Variants in SPATA17 observed in about 807,000 individuals in gnomAD.
The protein encoded by SPATA17 is spermatogenesis associated 17.
In SPATA17, 53 loss-of-function variants were observed where a neutral mutation model predicts 62.2. The observed-to-expected ratio is 0.85, with a 90% CI of 0.68 to 1.07. SPATA17 has a LOEUF of 1.07. SPATA17 is among the 50% of genes least tolerant of loss of function. The pLI is 0.00. For missense variants in SPATA17, 466 were observed against 425.5 expected (o/e 1.10, Z -0.84); for synonymous variants, 146 against 146.8 (o/e 0.99, Z 0.04).
chr1:217,774,513 A>T lies in SPATA17; in HGVS notation c.699A>T (p.Pro233=), dbSNP rs1318255019. Residue 233 remains proline, a synonymous_variant, in exon 7 of 11, where the codon CCA becomes CCT. Transcript: ENST00000366933. ...ARSFPRSEIL[P]PINRKQCQGP... ...CTTTTCCTCGGTCTGAAATTCTACC[A>T]CCTATTAATAGAAAGCAATGTCAGG... 6.2e-7 allele frequency: 1 copy of T among 1,613,792 alleles called. No individual in the cohort carries two copies. The highest frequency in any genetic ancestry group is 8.5e-7 in the Non-Finnish European group (1 of 1,179,842).
intron 9 of SPATA17, among the ~76,000 whole-genome samples, chr1:217,830,240 TG>T (rs1182175550): frequency 2.6e-5 from 4 of 152,142 alleles, no homozygotes; most frequent in African/African-American, 9.7e-5. Flanking sequence ...AAATTATTTT[TG>T]GTAAATCCCC....
At chr1:217,648,452 G>C (rs1270856617) in intron 1 of SPATA17, among the ~76,000 whole-genome samples, 2 of 152,176 alleles carry the variant, frequency 1.3e-5, no homozygotes, top group African/African-American at 2.4e-5. Context: ...ATTTAACTTA[G>C]AGACAACTCA....
intron 9 of SPATA17, among the ~76,000 whole-genome samples, chr1:217,855,593 T>G (rs78205854): frequency 3.3e-5 from 5 of 152,232 alleles, no homozygotes; most frequent in Non-Finnish European, 5.9e-5. Context: ...TGCCACTGAA[T>G]ACAATGAACT....
chr1:217,786,750 T>TTCTTCTTCTTCTTCTTCTTC lies in SPATA17; in HGVS notation c.872+4429_872+4430insCTTCTTCTTCTTCTTCTTCT, dbSNP rs1553252152. On this transcript the variant is annotated intron_variant, in intron 8 of 10. Coordinates refer to ENST00000366933, the MANE Select transcript of SPATA17 (RefSeq NM_138796.4). ...AATGATAGAAGGATTTGATATTCTC[T>TTCTTCTTCTTCTTCTTCTTC]TTCTTCTTCTTCTTCTTCTTCTTCT... Among the ~76,000 whole-genome samples, 104 of 107,550 alleles carry TTCTTCTTCTTCTTCTTCTTC rather than the reference T, an allele frequency of 9.7e-4. 1 individual carries two copies. The highest frequency in any genetic ancestry group is 8.5e-4 in the Non-Finnish European group (45 of 52,686). The allele number at this position is 107,550 out of a possible 152,430, so 70.6% of individuals were successfully genotyped here. A position where few individuals can be genotyped will look rare whatever the true frequency, so the allele number is the denominator to read the frequency against.
intron 5 of SPATA17, among the ~76,000 whole-genome samples, chr1:217,723,072 C>T (rs558406787): frequency 6.6e-6 from 1 of 152,328 alleles, no homozygotes; most frequent in South Asian, 2.1e-4. Context: ...GTATTAGCAT[C>T]AGCCCTCTCC....
chr1:217,635,539 A>G (rs1281257950), intron 1 of SPATA17, among the ~76,000 whole-genome samples: 1 of 152,044 alleles, frequency 6.6e-6, no homozygotes, highest in African/African-American at 2.4e-5. Flanking sequence ...CCCTGTCGCT[A>G]CTAAAAATAC....
At chr1:217,847,936 G>A (rs1675565049) in intron 9 of SPATA17, among the ~76,000 whole-genome samples, 2 of 152,178 alleles carry the variant, frequency 1.3e-5, no homozygotes, top group South Asian at 2.1e-4. Flanking sequence ...GGAGGCCGAT[G>A]TGGGAGAATT....
intron 4 of SPATA17, among the ~76,000 whole-genome samples, chr1:217,680,915 ACT>A (rs1671064920): frequency 1.0e-5 from 1 of 97,620 alleles, no homozygotes; most frequent in Non-Finnish European, 1.9e-5. Context: ...ACAGAGTGAG[ACT>A]CTGTTAAAAA....
chr1:217,834,256 T>A (rs1375663962), intron 9 of SPATA17, among the ~76,000 whole-genome samples: 3 of 152,162 alleles, frequency 2.0e-5, no homozygotes, highest in Admixed American at 2.0e-4. Flanking sequence ...CGATAATAAA[T>A]GACTATGTTA....
At chr1:217,642,527 G>C (rs189619125) in intron 1 of SPATA17, among the ~76,000 whole-genome samples, 1 of 152,224 alleles carries the variant, frequency 6.6e-6, no homozygotes, top group Admixed American at 6.5e-5. Flanking sequence ...ATATGGTTTG[G>C]CTCTGTGTCC....
intron 9 of SPATA17, among the ~76,000 whole-genome samples, chr1:217,846,701 T>C (rs1022874539): frequency 2.0e-5 from 3 of 152,100 alleles, no homozygotes; most frequent in African/African-American, 7.2e-5. Flanking sequence ...CTTGCTACTT[T>C]TGTACCTGAT....
At chr1:217,847,155 T>G (rs1473975671) in intron 9 of SPATA17, among the ~76,000 whole-genome samples, 1 of 152,000 alleles carries the variant, frequency 6.6e-6, no homozygotes, top group African/African-American at 2.4e-5. Context: ...CAATCTTTAA[T>G]TTTTTATTGT....
chr1:217,830,253 A>G (rs927474306), intron 9 of SPATA17, among the ~76,000 whole-genome samples: 2 of 152,134 alleles, frequency 1.3e-5, no homozygotes, highest in African/African-American at 4.8e-5. Context: ...TAAATCCCCA[A>G]GTTGGTGTGT....
chr1:217,843,290 A>G (rs1330007045), intron 9 of SPATA17, among the ~76,000 whole-genome samples: 1 of 152,044 alleles, frequency 6.6e-6, no homozygotes, highest in Non-Finnish European at 1.5e-5. Context: ...TATTGATACC[A>G]GTATTACTTA....
At chr1:217,793,461 C>G (rs2102983312) in intron 8 of SPATA17, among the ~76,000 whole-genome samples, 1 of 152,098 alleles carries the variant, frequency 6.6e-6, no homozygotes, top group Admixed American at 6.5e-5. Context: ...ACCTCGTGAT[C>G]CGCCCGCCTC....
chr1:217,656,818 G>A (rs1449763989), intron 3 of SPATA17, among the ~76,000 whole-genome samples: 1 of 152,134 alleles, frequency 6.6e-6, no homozygotes, highest in Non-Finnish European at 1.5e-5. Flanking sequence ...AGATTCTGAT[G>A]CTTAGCTTAC....
chr1:217,742,918 C>A (rs1672655021), intron 6 of SPATA17, among the ~76,000 whole-genome samples: 1 of 150,600 alleles, frequency 6.6e-6, no homozygotes, highest in African/African-American at 2.4e-5. Flanking sequence ...GCCCCAAGAC[C>A]AAATGTCATC....
At chr1:217,855,680 G>A (rs1036835641) in intron 9 of SPATA17, among the ~76,000 whole-genome samples, 7 of 151,536 alleles carry the variant, frequency 4.6e-5, no homozygotes, top group African/African-American at 1.7e-4. Context: ...CATAAAGATG[G>A]GGAAAGGACT....
intron 9 of SPATA17, among the ~76,000 whole-genome samples, chr1:217,832,485 A>T (rs1675164952): frequency 6.6e-6 from 1 of 152,158 alleles, no homozygotes; most frequent in Non-Finnish European, 1.5e-5. Flanking sequence ...AATTTGTCAG[A>T]TTGGGAGATT....
Sources: allele counts gnomAD v4.1 joint callset (sites outside exome capture counted in the v4.1 genomes callset), GRCh38; gene constraint gnomAD v4.1.1; transcripts MANE v1.5; gene names NCBI Gene and HGNC (gene_info 2026-07-23, HGNC 2026-07-21).